The following DIP2C variants were observed in gnomAD, a reference collection of about 807,000 sequenced individuals.
DIP2C encodes the protein disco-interacting protein 2 homolog C.
In DIP2C, 33 loss-of-function variants were observed where a neutral mutation model predicts 192.4. That is an observed-to-expected ratio of 0.17 (90% CI 0.13 to 0.23). The LOEUF is 0.23. DIP2C is among the 10% of genes least tolerant of loss of function. The probability of loss-of-function intolerance (pLI) is 1.00; values close to 1 mark genes in which losing one functional copy is unlikely to be tolerated. For missense variants in DIP2C, 1,537 were observed against 2,110.1 expected, an observed-to-expected ratio of 0.73 and a Z score of 5.32; for synonymous variants, 979 against 864.1, an observed-to-expected ratio of 1.13 and a Z score of -2.33.
intron 1 of DIP2C, among the ~76,000 whole-genome samples, chr10:626,746 T>C (rs983877704): frequency 7.2e-6 from 1 of 138,790 alleles, no homozygotes; most frequent in Non-Finnish European, 1.5e-5. Flanking sequence ...GTCACGCCGA[T>C]TGTCAGGCCC....
chr10:435,615 G>A (rs934987823), intron 4 of DIP2C, among the ~76,000 whole-genome samples: 13 of 152,310 alleles, frequency 8.5e-5, no homozygotes, highest in African/African-American at 2.9e-4. Context: ...GGGGACAGTG[G>A]CTTGCCTGTG....
chr10:655,325 A>T (rs1190853189), intron 1 of DIP2C, among the ~76,000 whole-genome samples: 2 of 152,184 alleles, frequency 1.3e-5, no homozygotes, highest in Admixed American at 6.5e-5. Context: ...TGGTTGTGAG[A>T]CAAGAACCCG....
At chr10:596,582 G>A (rs1851720973) in intron 1 of DIP2C, among the ~76,000 whole-genome samples, 1 of 149,792 alleles carries the variant, frequency 6.7e-6, no homozygotes, top group South Asian at 2.1e-4. Context: ...TATCCTATAG[G>A]TACTTATTCA....
At position 282,494 on chromosome 10, in the gene DIP2C, CCT is replaced by C. The variant is rs529465885; in HGVS notation, c.4294+776_4294+777del. On this transcript the variant is annotated intron_variant, in intron 35 of 36. Transcript: ENST00000280886. ...TTACTGATGTCTGCAAACTCATCTC[CCT>C]GAGGTTTTGGTGAGTCAAGATCTCA... Among the ~76,000 whole-genome samples the C allele has an allele frequency of 2.0e-5, 3 of 152,336 alleles. No homozygotes were observed. The South Asian group carries it at 6.2e-4, about 32-fold the overall frequency.
chr10:650,847 G>GT (rs1564305801), intron 1 of DIP2C: 1 of 716,256 alleles, frequency 1.4e-6, no homozygotes, highest in Admixed American at 2.0e-5. Context: ...GCCCCCACTT[G>GT]TGAGAGGTCC....
intron 4 of DIP2C, among the ~76,000 whole-genome samples, chr10:434,842 T>C (rs115821121): frequency 6.6e-6 from 1 of 152,232 alleles, no homozygotes; most frequent in Non-Finnish European, 1.5e-5. Flanking sequence ...AATAGAATTC[T>C]TATCTTTGAT....
rs777077382 is a variant in DIP2C at position 390,316 on chromosome 10, C to T, written c.1442G>A (p.Arg481Gln). ...TESKHLSKPP[R>Q]DWFPHIKDAN... The stretch of plus-strand genomic sequence containing the variant: ...ATCTTTAATGTGTGGGAACCAGTCT[C>T]GGGGCGGTTTGGAGAGATGTTTAGA... Residue 481 changes from arginine (R) to glutamine (Q), a missense_variant, in exon 12 of 37, where the codon CGA (arginine) becomes CAA (glutamine). By Grantham distance (43) the Arg-to-Gln change is conservative. Coordinates refer to ENST00000280886, the MANE Select transcript of DIP2C (RefSeq NM_014974.3). The T allele has an allele frequency of 2.5e-6, 4 of 1,613,944 alleles. No individual in the cohort carries two copies. Among genetic ancestry groups the T allele is most frequent in the Non-Finnish European group, 3.4e-6 (4 of 1,180,008 alleles).
intron 36 of DIP2C, among the ~76,000 whole-genome samples, chr10:279,728 C>CA (rs1954712752): frequency 6.6e-6 from 1 of 152,190 alleles, no homozygotes; most frequent in Non-Finnish European, 1.5e-5. Flanking sequence ...AAAGTCCACT[C>CA]AAAGGACACT....
At chr10:324,957 C>A (rs774740576) in intron 31 of DIP2C, 1 of 532,996 alleles carries the variant, frequency 1.9e-6, no homozygotes, top group East Asian at 5.4e-5. Context: ...GTACTCCTTC[C>A]TTGTAAACCA....
chr10:523,445 C>T (rs1319666631), intron 1 of DIP2C, among the ~76,000 whole-genome samples: 5 of 130,826 alleles, frequency 3.8e-5, no homozygotes, highest in African/African-American at 1.5e-4. Context: ...GTGTCACCCA[C>T]ACACTCGTTT....
intron 6 of DIP2C, among the ~76,000 whole-genome samples, chr10:417,718 C>A (rs1233058864): frequency 4.9e-5 from 6 of 122,044 alleles, no homozygotes; most frequent in Non-Finnish European, 3.5e-5. Context: ...TCAAATAGGC[C>A]TCCCTGTCTG....
chr10:359,204 C>T (rs1332570393), intron 22 of DIP2C, among the ~76,000 whole-genome samples: 1 of 152,194 alleles, frequency 6.6e-6, no homozygotes, highest in Admixed American at 6.5e-5. Context: ...GAAATGGTGG[C>T]ACCAGAACAA....
At chr10:441,207 AATCCAT>A (rs1967698720) in intron 3 of DIP2C, 1 of 575,168 alleles carries the variant, frequency 1.7e-6, no homozygotes, top group Admixed American at 3.7e-5. Flanking sequence ...ATTACCACAG[AATCCAT>A]ATCCATAAGC....
At chr10:495,010 A>G (rs1293992218) in intron 1 of DIP2C, among the ~76,000 whole-genome samples, 1 of 152,250 alleles carries the variant, frequency 6.6e-6, no homozygotes, top group Non-Finnish European at 1.5e-5. Flanking sequence ...ATGAACAGAG[A>G]AATCATGGTG....
chr10:377,564 T>C (rs1001699177), intron 17 of DIP2C, among the ~76,000 whole-genome samples: 4 of 152,226 alleles, frequency 2.6e-5, no homozygotes, highest in African/African-American at 9.6e-5. Context: ...ACACAGTTTA[T>C]CTTGCGTTCT....
intron 3 of DIP2C, among the ~76,000 whole-genome samples, chr10:460,626 C>G (rs1969694058): frequency 6.6e-6 from 1 of 152,138 alleles, no homozygotes; most frequent in Admixed American, 6.5e-5. Flanking sequence ...AGTTGGAAAA[C>G]ACTCTTCAGG....
rs765771934 is a variant in DIP2C at position 419,150 on chromosome 10, C to A, written c.654G>T (p.Ser218=). ...AACCCTGCGGTCTCTCCACCTGTAT[C>A]GAGTGCTCTGAGGTGTACGTGGTTA... ...PDVTTYTSEH[S]IQVERPQGST... Residue 218 remains serine (S), a synonymous_variant, in exon 6 of 37, where the codon TCG becomes TCT. Coordinates refer to ENST00000280886, the MANE Select transcript of DIP2C (RefSeq NM_014974.3). The A allele has an allele frequency of 4.3e-6, 7 of 1,614,130 alleles. No individual in the cohort carries two copies. The East Asian group carries it at 1.6e-4, about 36-fold the overall frequency.
chr10:398,068 A>G (rs1964134740), intron 10 of DIP2C, among the ~76,000 whole-genome samples: 1 of 152,200 alleles, frequency 6.6e-6, no homozygotes, highest in Non-Finnish European at 1.5e-5. Flanking sequence ...TTTACCTCAA[A>G]ATATATTTCT....
chr10:619,533 G>GCCCACCCGCCCA (rs1172584696), intron 1 of DIP2C, among the ~76,000 whole-genome samples: 5 of 38,768 alleles, frequency 1.3e-4, no homozygotes, highest in African/African-American at 5.0e-4. Context: ...GACCAAGCCC[G>GCCCACCCGCCCA]CCCGCCCGCC....
Sources: allele counts gnomAD v4.1 joint callset (sites outside exome capture counted in the v4.1 genomes callset), GRCh38; gene constraint gnomAD v4.1.1; transcripts MANE v1.5; gene names NCBI Gene and HGNC (gene_info 2026-07-23, HGNC 2026-07-21).